GARS1: variants seen among roughly 807,000 people sequenced by gnomAD.
GARS1 encodes glycyl-tRNA synthetase 1.
Under a neutral mutation model 86.4 loss-of-function variants are expected in GARS1, and 46 were observed. The ratio of observed to expected loss-of-function variants is 0.53; its 90% CI spans 0.42 to 0.68. GARS1 has a LOEUF of 0.68. GARS1 is among the 30% of genes least tolerant of loss of function. The probability of loss-of-function intolerance (pLI) is 0.00; values close to 1 mark genes in which losing one functional copy is unlikely to be tolerated. For synonymous variants in GARS1, 342 were observed against 329.8 expected, an observed-to-expected ratio of 1.04 and a Z score of -0.40; for missense variants, 797 against 915.6, an observed-to-expected ratio of 0.87 and a Z score of 1.67.
In GARS1 at chr7:30,621,383, A is replaced by G. The variant is rs760209923; in HGVS notation, c.1360-10A>G. 2.5e-6 allele frequency: 4 copies of G among 1,611,142 alleles called. No individual in the cohort carries two copies. The Admixed American group carries it at 6.7e-5, about 27-fold the overall frequency. The stretch of plus-strand genomic sequence containing the variant: ...AGTAAGTAATGTTTTTATTGATTAT[A>G]TCTTTTTAGGGTTGGATTGAGATTG... On this transcript the variant is annotated splice_polypyrimidine_tract_variant and intron_variant, in intron 10 of 16. Transcript: ENST00000389266.
At chr7:30,605,133 G>C (rs1791455859) in intron 6 of GARS1, among the ~76,000 whole-genome samples, 1 of 152,230 alleles carries the variant, frequency 6.6e-6, no homozygotes. Flanking sequence ...TTCACTGGCT[G>C]AAAGCCCATC....
chr7:30,606,200 T>C (rs933942421), intron 6 of GARS1, among the ~76,000 whole-genome samples: 1 of 152,164 alleles, frequency 6.6e-6, no homozygotes, highest in African/African-American at 2.4e-5. Flanking sequence ...CAGAGCTACA[T>C]AGTACCTGGT....
chr7:30,606,561 T>A (rs6462214), intron 6 of GARS1, among the ~76,000 whole-genome samples: 10,739 of 152,244 alleles, frequency 0.071, 1,230 homozygotes, highest in African/African-American at 0.24. Flanking sequence ...TGATATTCAG[T>A]CAGTTGCAGT....
chr7:30,633,725 T>C lies in GARS1; in HGVS notation c.2095-10T>C. 1 of 1,613,782 alleles carries C rather than the reference T, an allele frequency of 6.2e-7. No homozygotes were observed. The highest frequency in any genetic ancestry group is 8.5e-7 in the Non-Finnish European group (1 of 1,179,890). ...TGGTTGATACTTGGCTTCTCTTTCC[T>C]TGTCTCTAGATCTCTGAGCTGCCCA... On this transcript the variant is annotated splice_polypyrimidine_tract_variant and intron_variant, in intron 16 of 16. Coordinates refer to ENST00000389266, the MANE Select transcript of GARS1 (RefSeq NM_002047.4).
At chr7:30,595,365 T>C (rs1791224914) in intron 1 of GARS1, among the ~76,000 whole-genome samples, 1 of 152,218 alleles carries the variant, frequency 6.6e-6, no homozygotes, top group African/African-American at 2.4e-5. Flanking sequence ...TCTTTTTGGA[T>C]GACTCCCTGG....
rs1211140613 is a variant in GARS1, at chr7:30,632,604, A to G, written c.2094+167A>G. On this transcript the variant is annotated intron_variant, in intron 16 of 16. Transcript: ENST00000389266. The surrounding 1 kb of genome is among the most constrained non-coding windows in gnomAD (Gnocchi z 4.1). Reference sequence around the variant, plus strand: ...CCCAGATTCTCAAGTCCCCCGGTTTAATTATGAAAATATCCATTAGCACTT... The same window carrying G: ...CCCAGATTCTCAAGTCCCCCGGTTTGATTATGAAAATATCCATTAGCACTT... Among the ~76,000 whole-genome samples the G allele has an allele frequency of 1.3e-5, 2 of 152,076 alleles. No homozygotes were observed. The highest frequency in any genetic ancestry group is 4.8e-5 in the African/African-American group (2 of 41,388).
rs1297412241 is a variant in GARS1 at position 30,634,024 on chromosome 7, C to G, written c.*164C>G. The G allele has an allele frequency of 1.2e-6, 1 of 832,552 alleles. No homozygotes were observed. Among genetic ancestry groups the G allele is most frequent in the Non-Finnish European group, 1.9e-6 (1 of 538,870 alleles). 51.6% of individuals were successfully genotyped at this position (832,552 alleles called of 1,614,324 possible). On this transcript the variant is annotated 3_prime_UTR_variant, in exon 17 of 17. Transcript: ENST00000389266. ...CCCCCACAATTAAAGTTGAAGGAAT[C>G]CTGAACAAACTTGTGATCTATTTGC...
chr7:30,615,076 A>G (rs943196646), intron 8 of GARS1, among the ~76,000 whole-genome samples: 1 of 152,178 alleles, frequency 6.6e-6, no homozygotes, highest in African/African-American at 2.4e-5. Context: ...TAGCTACTAA[A>G]TTGCATTCAG....
chr7:30,601,810 G>A (rs867834211), intron 4 of GARS1, among the ~76,000 whole-genome samples: 42 of 152,018 alleles, frequency 2.8e-4, no homozygotes, highest in Middle Eastern at 3.4e-3. Context: ...ATGGAGTCTT[G>A]CTCTGTCGCC....
At chr7:30,600,905 C>G (rs1791361678) in intron 3 of GARS1, among the ~76,000 whole-genome samples, 154 bp from the exon 4 acceptor site, 1 of 152,192 alleles carries the variant, frequency 6.6e-6, no homozygotes, top group Non-Finnish European at 1.5e-5. Context: ...CTTCCATCAG[C>G]TAGCTGAAAG....
chr7:30,612,841 G>A (rs988001568), intron 8 of GARS1, among the ~76,000 whole-genome samples: 4 of 152,196 alleles, frequency 2.6e-5, no homozygotes, highest in Admixed American at 2.6e-4. Context: ...CCAGGGATGT[G>A]TGGGAAGGCA....
chr7:30,609,159 G>T (rs1301733483), intron 6 of GARS1, among the ~76,000 whole-genome samples: 2 of 152,204 alleles, frequency 1.3e-5, no homozygotes, highest in Non-Finnish European at 2.9e-5. Flanking sequence ...ATTGAGGAGA[G>T]GGTGGTGGCT....
At chr7:30,628,462 G>A in intron 13 of GARS1, 98 bp from the exon 14 acceptor site, 1 of 875,076 alleles carries the variant, frequency 1.1e-6, no homozygotes, top group Non-Finnish European at 1.9e-6. Flanking sequence ...TGGGATTACA[G>A]GTGTGAGCCA....
rs886062273 is a variant in GARS1 at position 30,615,923 on chromosome 7, C to G, written c.1059C>G (p.His353Gln). The change falls in exon 9 of 17, where the codon CAC becomes CAG. Residue 353 changes from histidine (H) to glutamine (Q), a missense_variant. His to Gln is a conservative substitution (Grantham distance 24). Around this residue, in one of 2 missense-constraint regions of GARS1, gnomAD observed 598 missense variants for 738.7 expected, o/e 0.81. Coordinates refer to ENST00000389266, the MANE Select transcript of GARS1 (RefSeq NM_002047.4). ...AATTCACAATGGCAGAAATTGAGCA[C>G]TTTGTAGATCCCAGTGAGAAAGACC... is the stretch of plus-strand genomic sequence containing the variant. Reference protein sequence around the residue: ...VREFTMAEIEHFVDPSEKDHP... With the variant: ...VREFTMAEIEQFVDPSEKDHP... 2 of 1,614,172 alleles carry G rather than the reference C, an allele frequency of 1.2e-6. No individual in the cohort carries two copies. The highest frequency in any genetic ancestry group is 3.3e-5 in the Admixed American group (2 of 60,022).
At chr7:30,618,124 C>CT (rs574404954) in intron 10 of GARS1, among the ~76,000 whole-genome samples, 67 of 152,098 alleles carry the variant, frequency 4.4e-4, no homozygotes, top group Middle Eastern at 3.4e-3. Flanking sequence ...GTAATGACTA[C>CT]TTTTTTTAAA....
intron 10 of GARS1, among the ~76,000 whole-genome samples, chr7:30,619,199 C>T (rs1220372216): frequency 6.6e-6 from 1 of 152,092 alleles, no homozygotes; most frequent in Non-Finnish European, 1.5e-5. Flanking sequence ...TTATGCTGTA[C>T]TGCTTTATAA....
At chr7:30,633,605 A>G in intron 16 of GARS1, 130 bp from the exon 17 acceptor site, 1 of 1,107,528 alleles carries the variant, frequency 9.0e-7, no homozygotes, top group Non-Finnish European at 1.4e-6. Flanking sequence ...TTTGGGCTAG[A>G]AGAGCATGAA....
intron 12 of GARS1, among the ~76,000 whole-genome samples, chr7:30,623,985 GAAGTACTTT>G (rs1263136540): frequency 1.3e-5 from 2 of 152,192 alleles, no homozygotes; most frequent in Non-Finnish European, 2.9e-5. Context: ...AAATGAAGAG[GAAGTACTTT>G]AAGACCAAGC....
intron 6 of GARS1, among the ~76,000 whole-genome samples, chr7:30,605,177 C>G (rs1791456313): frequency 6.6e-6 from 1 of 152,180 alleles, no homozygotes; most frequent in Admixed American, 6.5e-5. Context: ...TTTTCTGCAC[C>G]TTAGTGTCTG....
Sources: allele counts gnomAD v4.1 joint callset (sites outside exome capture counted in the v4.1 genomes callset), GRCh38; gene constraint gnomAD v4.1.1; regional missense constraint gnomAD v4.1.1; non-coding constraint Gnocchi (gnomAD v3.1); transcripts MANE v1.5; gene names NCBI Gene and HGNC (gene_info 2026-07-23, HGNC 2026-07-21).